POLE2: variants seen among roughly 807,000 people sequenced by gnomAD.
The protein encoded by POLE2 is DNA polymerase epsilon subunit 2.
A neutral mutation model predicts 79.4 loss-of-function variants in POLE2; 56 were observed. The ratio of observed to expected loss-of-function variants is 0.71; its 90% CI spans 0.57 to 0.88. The LOEUF (loss-of-function observed/expected upper bound fraction) is 0.88. POLE2 is among the 40% of genes least tolerant of loss of function. The probability of loss-of-function intolerance (pLI) is 0.00; values close to 1 mark genes in which losing one functional copy is unlikely to be tolerated. For missense variants in POLE2, 598 were observed against 638.9 expected (o/e 0.94, Z 0.69); for synonymous variants, 212 against 214.0 (o/e 0.99, Z 0.08).
chr14:49,654,138 A>T lies in POLE2; in HGVS notation c.1133+17T>A. The T allele has an allele frequency of 6.2e-7, 1 of 1,606,820 alleles. No homozygotes were observed. Among genetic ancestry groups the T allele is most frequent in the South Asian group, 1.1e-5 (1 of 90,200 alleles). On this transcript the variant is annotated intron_variant, in intron 14 of 18. Transcript: ENST00000216367. ...CAAAATTTTCTACACTGTTGCAAAA[A>T]TCTGAACAAAACTTACCTTGGTAAG...
In POLE2 at chr14:49,674,296, T is replaced by TG. The variant is rs1383194229; in HGVS notation, c.323+53dup. 55 of 1,466,354 alleles carry TG rather than the reference T, an allele frequency of 3.8e-5. No individual in the cohort carries two copies. In the East Asian group the frequency reaches 1.2e-3, roughly 31 times the overall value. The allele number at this position is 1,466,354 out of a possible 1,614,324, so 90.8% of individuals were successfully genotyped here. ...AAGTGAAGCAAGAGACTATACCTTC[T>TG]GAAAAAAAAAGTACATTTGAAATTA... On this transcript the variant is annotated intron_variant, in intron 4 of 18. Transcript: ENST00000216367.
chr14:49,658,298 G>A (rs1239511359), intron 10 of POLE2, among the ~76,000 whole-genome samples: 5 of 152,054 alleles, frequency 3.3e-5, no homozygotes, highest in East Asian at 3.9e-4. Context: ...GGATGGTCTC[G>A]ATCTCCTGAC....
intron 3 of POLE2, among the ~76,000 whole-genome samples, chr14:49,677,033 T>A (rs1282787823): frequency 6.6e-6 from 1 of 152,196 alleles, no homozygotes; most frequent in Non-Finnish European, 1.5e-5. Context: ...TCATTGACAA[T>A]AGCTATTTCT....
chr14:49,670,547 G>A (rs897266720), intron 5 of POLE2, among the ~76,000 whole-genome samples: 3 of 152,038 alleles, frequency 2.0e-5, no homozygotes, highest in Admixed American at 6.6e-5. Context: ...TCTATAGATA[G>A]GAATTCAAGG....
intron 3 of POLE2, 88 bp from the exon 4 acceptor site, chr14:49,674,515 T>C: frequency 2.6e-6 from 2 of 779,544 alleles, no homozygotes; most frequent in South Asian, 1.5e-5. Context: ...TAAGTATTTG[T>C]AATAACACAC....
intron 15 of POLE2, among the ~76,000 whole-genome samples, chr14:49,652,391 C>T (rs1203251410): frequency 6.6e-6 from 1 of 151,450 alleles, no homozygotes. Context: ...GAGAAGATGG[C>T]AGAGCAGGGC....
chr14:49,658,181 A>C (rs982242637), intron 10 of POLE2, among the ~76,000 whole-genome samples: 1 of 151,024 alleles, frequency 6.6e-6, no homozygotes, highest in African/African-American at 2.4e-5. Context: ...GGTTCATGCC[A>C]TTCTCCTGCC....
intron 1 of POLE2, among the ~76,000 whole-genome samples, chr14:49,687,628 C>G (rs1392837880): frequency 6.6e-6 from 1 of 151,926 alleles, no homozygotes; most frequent in Non-Finnish European, 1.5e-5. Context: ...CTCGGCCCGC[C>G]TAGAAGAAAC....
In POLE2 at chr14:49,654,170, C is replaced by A. The variant is rs764494280; in HGVS notation, c.1118G>T (p.Gly373Val). 45 of 1,611,232 alleles carry A rather than the reference C, an allele frequency of 2.8e-5. No individual in the cohort carries two copies. The highest frequency in any genetic ancestry group is 3.6e-5 in the Non-Finnish European group (42 of 1,178,352). ...FVPGPEDPGFGSILPRPPLAE... is the reference protein window; with the variant it reads ...FVPGPEDPGFVSILPRPPLAE... ...CAAAACTTACCTTGGTAAGATGGAACCAAATCCAGGATCCTCTGGACCAGG... is the reference window on the plus strand; with the variant it reads ...CAAAACTTACCTTGGTAAGATGGAAACAAATCCAGGATCCTCTGGACCAGG... Residue 373 changes from glycine to valine, a missense_variant, in exon 14 of 19, where the codon GGT (glycine) becomes GTT (valine). Physicochemically the swap from Gly to Val is moderately radical, Grantham distance 109 (BLOSUM62 -3). Coordinates refer to ENST00000216367, the MANE Select transcript of POLE2 (RefSeq NM_002692.4).
intron 16 of POLE2, among the ~76,000 whole-genome samples, chr14:49,650,946 GA>G (rs1884176054): frequency 6.6e-6 from 1 of 152,046 alleles, no homozygotes; most frequent in African/African-American, 2.4e-5. Context: ...TAACCAATGG[GA>G]TAAATAAGAA....
chr14:49,645,725 A>G (rs1357046539), intron 18 of POLE2, among the ~76,000 whole-genome samples: 2 of 152,166 alleles, frequency 1.3e-5, no homozygotes, highest in Non-Finnish European at 2.9e-5. Context: ...AGCTCAAGTG[A>G]GCTCAAGTGA....
intron 7 of POLE2, among the ~76,000 whole-genome samples, chr14:49,665,416 T>G (rs1885410048): frequency 1.3e-5 from 2 of 152,148 alleles, no homozygotes. Context: ...AGAGGGACAT[T>G]TGATGTCTGC....
In POLE2 at chr14:49,646,302, G is replaced by GTTTTTTTTTTTTTTTTTTT. The variant is rs1162033821; in HGVS notation, c.1565+972_1565+990dup. On this transcript the variant is annotated intron_variant, in intron 18 of 18. Transcript: ENST00000216367. Reference sequence around the variant, plus strand: ...GATTTGGTCAGTTGTTTTTTTGTTGGTTTTTTTTTTTTTTTTTTTTTTTTT... The same window carrying GTTTTTTTTTTTTTTTTTTT: ...GATTTGGTCAGTTGTTTTTTTGTTGGTTTTTTTTTTTTTTTTTTTTTTTTTTTTTTTTTTTTTTTTTTTT... Among the ~76,000 whole-genome samples, 24 of 84,574 alleles carry GTTTTTTTTTTTTTTTTTTT rather than the reference G, an allele frequency of 2.8e-4. 4 individuals carry two copies. Among genetic ancestry groups the GTTTTTTTTTTTTTTTTTTT allele is most frequent in the African/African-American group, 3.5e-4 (6 of 16,968 alleles). The allele number at this position is 84,574 out of a possible 152,430, so 55.5% of individuals were successfully genotyped here. A position where few individuals can be genotyped will look rare whatever the true frequency, so the allele number is the denominator to read the frequency against.
At position 49,688,176 on chromosome 14, in the gene POLE2, C is replaced by A. The variant is rs1297842797; in HGVS notation, c.28G>T (p.Ala10Ser). 9.7e-6 allele frequency: 15 copies of A among 1,545,484 alleles called. No homozygotes were observed. The highest frequency in any genetic ancestry group is 1.1e-5 in the Non-Finnish European group (13 of 1,147,824). The change falls in exon 1 of 19, where the codon GCG (alanine) becomes TCG (serine). Residue 10 changes from alanine to serine, a missense_variant. Coordinates refer to ENST00000216367, the MANE Select transcript of POLE2 (RefSeq NM_002692.4). MAPERLRSRALSAFKLRGLL... is the reference protein window; with the variant it reads MAPERLRSRSLSAFKLRGLL... ...CCCCGCAACTTGAAGGCGGAGAGCG[C>A]CCGGCTCCGCAGCCGCTCCGGCGCC...
At position 49,682,556 on chromosome 14, in the gene POLE2, G is replaced by T. The variant is rs549285485; in HGVS notation, c.169+1037C>A. Among the ~76,000 whole-genome samples, 96 of 141,786 alleles carry T rather than the reference G, an allele frequency of 6.8e-4. 1 individual carries two copies. The highest frequency in any genetic ancestry group is 2.3e-3 in the African/African-American group (88 of 38,294). 93.0% of individuals were successfully genotyped at this position (141,786 alleles called of 152,430 possible). On this transcript the variant is annotated intron_variant, in intron 2 of 18. Transcript: ENST00000216367. ...GGAGGCTGAGGCAGGAGAATCATTTGAACCCAGGAGGCAGAGGATGCAGTG... is the reference window on the plus strand; with the variant it reads ...GGAGGCTGAGGCAGGAGAATCATTTTAACCCAGGAGGCAGAGGATGCAGTG...
In POLE2 at chr14:49,670,317, C is replaced by CAAAAAAA. The variant is rs61383006; in HGVS notation, c.418-726_418-720dup. On this transcript the variant is annotated intron_variant, in intron 5 of 18. Transcript: ENST00000216367. ...GGCAACAAGAGCGAAACTGTGTCTC[C>CAAAAAAA]AAAAAAAAAAAAAAAAAAAAAAAAA... is the stretch of plus-strand genomic sequence containing the variant. Among the ~76,000 whole-genome samples, 241 of 59,094 alleles carry CAAAAAAA rather than the reference C, an allele frequency of 4.1e-3. 20 individuals are homozygous for CAAAAAAA. Among genetic ancestry groups the CAAAAAAA allele is most frequent in the African/African-American group, 0.014 (204 of 15,058 alleles). 38.8% of individuals were successfully genotyped at this position (59,094 alleles called of 152,430 possible).
chr14:49,665,763 T>TTATAAAACATAA (rs1885440805), intron 7 of POLE2, among the ~76,000 whole-genome samples: 1 of 152,042 alleles, frequency 6.6e-6, no homozygotes, highest in East Asian at 1.9e-4. Flanking sequence ...TTTTACGTCA[T>TTATAAAACATAA]TGTAAAACAG....
chr14:49,657,029 C>T (rs1884731843), intron 10 of POLE2, among the ~76,000 whole-genome samples: 1 of 151,258 alleles, frequency 6.6e-6, no homozygotes, highest in South Asian at 2.1e-4. Flanking sequence ...AGGAGAATCG[C>T]TTGAACCTAG....
chr14:49,688,205 T>C lies in POLE2; in HGVS notation c.-2A>G, dbSNP rs1290821476. On this transcript the variant is annotated 5_prime_UTR_variant, in exon 1 of 19. Transcript: ENST00000216367. Reference sequence around the variant, plus strand: ...GCTCCGCAGCCGCTCCGGCGCCATATTTGCGATTTGGCGCCACCGCCGCAG... The same window carrying C: ...GCTCCGCAGCCGCTCCGGCGCCATACTTGCGATTTGGCGCCACCGCCGCAG... The C allele has an allele frequency of 6.6e-7, 1 of 1,526,096 alleles. No individual in the cohort carries two copies. The highest frequency in any genetic ancestry group is 8.8e-7 in the Non-Finnish European group (1 of 1,138,740). 94.5% of individuals were successfully genotyped at this position (1,526,096 alleles called of 1,614,324 possible). A position where few individuals can be genotyped will look rare whatever the true frequency, so the allele number is the denominator to read the frequency against.
Sources: gnomAD v4.1 joint callset for allele counts (sites outside exome capture counted in the v4.1 genomes callset) on GRCh38, gnomAD v4.1.1 for gene constraint, MANE v1.5 for transcripts, NCBI Gene and HGNC (gene_info 2026-07-23, HGNC 2026-07-21) for gene names.